TRAF2: variants seen among roughly 807,000 people sequenced by gnomAD.
TRAF2 encodes the protein TNF receptor associated factor 2, also known as TNF receptor-associated factor 2.
TRAF2 carries 6 observed loss-of-function variants against 55.6 expected under a neutral mutation model. The ratio of observed to expected loss-of-function variants is 0.11; its 90% CI spans 0.06 to 0.21. The LOEUF (loss-of-function observed/expected upper bound fraction) is 0.21. Ranked by LOEUF, TRAF2 falls within the 10% of genes least tolerant of loss-of-function variation. TRAF2 has a pLI of 1.00. For missense variants in TRAF2, 561 were observed against 684.5 expected (o/e 0.82, Z 2.01); for synonymous variants, 329 against 276.3 (o/e 1.19, Z -1.89).
intron 7 of TRAF2, among the ~76,000 whole-genome samples, chr9:136,919,161 A>G (rs1850321684): frequency 6.6e-6 from 1 of 151,474 alleles, no homozygotes; most frequent in Non-Finnish European, 1.5e-5. Flanking sequence ...CCTGGGTTCA[A>G]ACTATTCTCA....
At chr9:136,908,033 C>G (rs777951751) in intron 4 of TRAF2, 37 bp from the exon 5 acceptor site, 2 of 1,573,390 alleles carry the variant, frequency 1.3e-6, no homozygotes, top group Admixed American at 1.8e-5. Context: ...AAATGTCCCA[C>G]GCGAGTTCTA....
rs373193080 is a variant in TRAF2, at chr9:136,918,923, T to G, written c.679-1311T>G. The stretch of plus-strand genomic sequence containing the variant: ...CTAATTTTTGTATTTTTAGTAGAGA[T>G]AGGGTTTTGCCATGTTGACCAGGCT... On this transcript the variant is annotated intron_variant, in intron 7 of 10. Transcript: ENST00000247668. 2.8e-4 allele frequency among the ~76,000 whole-genome samples: 42 copies of G among 151,274 alleles called. 1 individual carries two copies. In the South Asian group the frequency reaches 8.2e-3, roughly 29 times the overall value.
At chr9:136,923,008 G>A (rs1238758881) in intron 9 of TRAF2, among the ~76,000 whole-genome samples, 1 of 152,164 alleles carries the variant, frequency 6.6e-6, no homozygotes, top group African/African-American at 2.4e-5. Context: ...CTGCCACAGT[G>A]GGGTCCCTGC....
intron 4 of TRAF2, among the ~76,000 whole-genome samples, chr9:136,906,514 CCCATGATTCAATGACCTCCCA>C (rs755309334): frequency 5.2e-4 from 79 of 152,212 alleles, no homozygotes; most frequent in Non-Finnish European, 9.7e-4. Flanking sequence ...AAAAACCCAC[CCCATGATTCAATGACCTCCCA>C]CCAGGCCCCT....
chr9:136,911,264 C>CTTTTTTTTTTT (rs34077067), intron 6 of TRAF2, among the ~76,000 whole-genome samples: 6 of 122,566 alleles, frequency 4.9e-5, no homozygotes, highest in African/African-American at 1.3e-4. Context: ...TCCTTCCCGT[C>CTTTTTTTTTTT]TTTTTTTTTT....
intron 6 of TRAF2, among the ~76,000 whole-genome samples, chr9:136,910,960 C>T (rs1588435864): frequency 6.6e-6 from 1 of 152,236 alleles, no homozygotes; most frequent in Non-Finnish European, 1.5e-5. Context: ...CTGCCATGCC[C>T]CCTTCAGAGG....
chr9:136,897,417 G>A (rs1849704564), intron 1 of TRAF2, among the ~76,000 whole-genome samples: 1 of 152,234 alleles, frequency 6.6e-6, no homozygotes, highest in Non-Finnish European at 1.5e-5. Flanking sequence ...GGCACATGGA[G>A]GGCTCTGAAG....
chr9:136,921,271 C>A (rs1309933196), intron 9 of TRAF2, 56 bp downstream of exon 9: 1 of 1,601,034 alleles, frequency 6.2e-7, no homozygotes, highest in African/African-American at 1.3e-5. Context: ...GCACCTGGGT[C>A]CCCTCACCCC....
At chr9:136,911,205 C>T (rs1331230019) in intron 6 of TRAF2, among the ~76,000 whole-genome samples, 2 of 152,152 alleles carry the variant, frequency 1.3e-5, no homozygotes, top group Admixed American at 6.5e-5. Context: ...GTTTTGTCCC[C>T]ACCCATCACT....
intron 1 of TRAF2, 185 bp downstream of exon 1, chr9:136,886,726 TG>T (rs1463572551): frequency 2.7e-6 from 1 of 368,498 alleles, no homozygotes; most frequent in East Asian, 1.7e-4. Flanking sequence ...TCTGAGCCGC[TG>T]GGCCGGAAAC....
chr9:136,888,045 A>G (rs1455135648), intron 1 of TRAF2, among the ~76,000 whole-genome samples: 1 of 151,638 alleles, frequency 6.6e-6, no homozygotes, highest in African/African-American at 2.4e-5. Flanking sequence ...AATTTTTTGT[A>G]TTTTTAGTAG....
chr9:136,883,314 G>T (rs565482300), upstream of TRAF2, among the ~76,000 whole-genome samples: 10 of 152,278 alleles, frequency 6.6e-5, no homozygotes, highest in East Asian at 1.7e-3. Flanking sequence ...ACCTGCTCTC[G>T]AGGGCTGTGG....
At chr9:136,884,136 C>T (rs1201273854), upstream of TRAF2, among the ~76,000 whole-genome samples, 5 of 151,852 alleles carry the variant, frequency 3.3e-5, no homozygotes, top group African/African-American at 4.8e-5. Flanking sequence ...TTAGTAGAGA[C>T]GAGGTTTCAC....
At chr9:136,905,420 A>G (rs1332245527) in intron 4 of TRAF2, among the ~76,000 whole-genome samples, 1 of 152,114 alleles carries the variant, frequency 6.6e-6, no homozygotes. Context: ...GAGCCAATAG[A>G]TGGTGCTGGG....
chr9:136,919,517 A>C (rs1588443078), intron 7 of TRAF2, among the ~76,000 whole-genome samples: 1 of 148,582 alleles, frequency 6.7e-6, no homozygotes, highest in Non-Finnish European at 1.5e-5. Context: ...CTAGTCTCGA[A>C]CTCCCGACCT....
intron 4 of TRAF2, among the ~76,000 whole-genome samples, chr9:136,904,551 G>A (rs1033467347): frequency 1.3e-5 from 2 of 151,994 alleles, no homozygotes; most frequent in African/African-American, 4.8e-5. Flanking sequence ...GACTACAGGC[G>A]CTCACCACCA....
At position 136,925,876 on chromosome 9, in the gene TRAF2, C is replaced by G. The variant is rs1366319702; in HGVS notation, c.1481C>G (p.Ala494Gly). The G allele has an allele frequency of 6.2e-7, 1 of 1,614,220 alleles. No individual in the cohort carries two copies. Among genetic ancestry groups the G allele is most frequent in the Non-Finnish European group, 8.5e-7 (1 of 1,180,052 alleles). The change falls in exon 11 of 11, where the codon GCC (alanine) becomes GGC (glycine). Residue 494 changes from alanine to glycine, a missense_variant. Physicochemically the swap from Ala to Gly is moderately conservative, Grantham distance 60 (BLOSUM62 0). Around this residue, in one of 2 missense-constraint regions of TRAF2, gnomAD observed 135 missense variants for 207.7 expected, o/e 0.65. Transcript: ENST00000247668. ...YVRDDAIFIK[A>G]IVDLTGL ...CGGGACGATGCCATCTTCATCAAGG[C>G]CATTGTGGACCTGACAGGGCTCTAA...
Position 136,898,912 on chromosome 9 carries a change from C to A in TRAF2, c.172C>A (p.Leu58Met), listed in dbSNP as rs1297163533. Residue 58 changes from leucine to methionine, a missense_variant, in exon 2 of 11, where the codon CTG (leucine) becomes ATG (methionine). This residue lies in a region of TRAF2 where 426 missense variants were observed against 476.8 expected (regional missense o/e 0.89). Transcript: ENST00000247668. ...TGGCCACCGGTACTGCTCCTTCTGC[C>A]TGGCCAGCATCCTCAGGTGCATGGG... ...QCGHRYCSFC[L>M]ASILSSGPQN... 2.5e-6 allele frequency: 4 copies of A among 1,609,166 alleles called. No individual in the cohort carries two copies. Among genetic ancestry groups the A allele is most frequent in the Non-Finnish European group, 3.4e-6 (4 of 1,178,504 alleles).
chr9:136,910,764 T>C (rs1850085083), intron 6 of TRAF2, among the ~76,000 whole-genome samples: 2 of 152,252 alleles, frequency 1.3e-5, no homozygotes, highest in African/African-American at 2.4e-5. Flanking sequence ...TCTGATTTGC[T>C]TCTGTTTAAA....
Sources: allele counts gnomAD v4.1 joint callset (sites outside exome capture counted in the v4.1 genomes callset), GRCh38; gene constraint gnomAD v4.1.1; regional missense constraint gnomAD v4.1.1; transcripts MANE v1.5; gene names NCBI Gene and HGNC (gene_info 2026-07-23, HGNC 2026-07-21).